The following OSMR variants were observed in gnomAD, a reference collection of about 807,000 sequenced individuals.
The protein encoded by OSMR is oncostatin M receptor, also known as oncostatin-M-specific receptor subunit beta.
OSMR carries 81 observed loss-of-function variants against 99.9 expected under a neutral mutation model. The observed-to-expected ratio is 0.81, with a 90% CI of 0.68 to 0.97. The LOEUF is 0.97. Ranked by LOEUF, OSMR falls within the 50% of genes least tolerant of loss-of-function variation. The pLI is 0.00. For synonymous variants in OSMR, 406 were observed against 410.4 expected (o/e 0.99, Z 0.13); for missense variants, 1,099 against 1,153.4 (o/e 0.95, Z 0.68).
chr5:38,918,036 T>C (rs1746016338), intron 10 of OSMR, among the ~76,000 whole-genome samples: 1 of 152,180 alleles, frequency 6.6e-6, no homozygotes, highest in Non-Finnish European at 1.5e-5. Flanking sequence ...TACACCTTCA[T>C]GACAACCTGG....
chr5:38,918,800 T>C, intron 10 of OSMR, 40 bp from the exon 11 acceptor site: 1 of 1,610,264 alleles, frequency 6.2e-7, no homozygotes, highest in Non-Finnish European at 8.5e-7. Flanking sequence ...TTCCTTTCAA[T>C]TAAAACCCAT....
At chr5:38,872,284 A>T (rs1239351880) in intron 2 of OSMR, among the ~76,000 whole-genome samples, 1 of 152,250 alleles carries the variant, frequency 6.6e-6, no homozygotes, top group Non-Finnish European at 1.5e-5. Flanking sequence ...CTGATAGCGT[A>T]TGTTAATATA....
In OSMR at chr5:38,921,750, G is replaced by A; in HGVS notation, c.1721G>A (p.Trp574Ter). 2 of 1,614,080 alleles carry A rather than the reference G, an allele frequency of 1.2e-6. No homozygotes were observed. Among genetic ancestry groups the A allele is most frequent in the Non-Finnish European group, 1.7e-6 (2 of 1,180,014 alleles). Residue 574 changes from tryptophan (W) to a stop codon, truncating the protein, a stop_gained, in exon 12 of 18, where the codon TGG becomes TAG. Coordinates refer to ENST00000274276, the MANE Select transcript of OSMR (RefSeq NM_003999.3). LOFTEE classifies it high-confidence loss of function. ...CAGGATGTGCTCGGTGATTTCCAGT[G>A]GAAGAATGTAGGTCCCAATACCACA... is the stretch of plus-strand genomic sequence containing the variant. ...HTQDVLGDFQWKNVGPNTTST... is the reference protein window; with the variant it reads ...HTQDVLGDFQ
intron 9 of OSMR, among the ~76,000 whole-genome samples, chr5:38,906,826 A>C (rs1745268177): frequency 6.6e-6 from 1 of 152,232 alleles, no homozygotes; most frequent in Non-Finnish European, 1.5e-5. Flanking sequence ...CTTTCAAAGA[A>C]ATGTTCTGAA....
Position 38,924,577 on chromosome 5 carries a change from G to C in OSMR, c.2026G>C (p.Glu676Gln), listed in dbSNP as rs1395239280. Residue 676 changes from glutamate (E) to glutamine (Q), a missense_variant, in exon 14 of 18, where the codon GAA becomes CAA. By Grantham distance (29) the Glu-to-Gln change is conservative (BLOSUM62 2). Transcript: ENST00000274276. ...GGCGAGGCAGTGCCACCCACGATTT[G>C]AAAAGGCAGTTCTTTCAGGTGACAT... ...SKARQCHPRF[E>Q]KAVLSDGSEC... The C allele has an allele frequency of 6.2e-7, 1 of 1,612,922 alleles. No homozygotes were observed. The highest frequency in any genetic ancestry group is 1.1e-5 in the South Asian group (1 of 91,050).
intron 1 of OSMR, among the ~76,000 whole-genome samples, chr5:38,853,571 T>G (rs1221926341): frequency 6.6e-6 from 1 of 152,218 alleles, no homozygotes. Context: ...TGGGGAATGA[T>G]TTCTGTGATC....
intron 15 of OSMR, among the ~76,000 whole-genome samples, chr5:38,930,157 G>T (rs1006755151): frequency 2.6e-5 from 4 of 152,188 alleles, no homozygotes; most frequent in Non-Finnish European, 2.9e-5. Flanking sequence ...GTTGGCAAAA[G>T]AAAATTCTAA....
rs758433175 is a variant in OSMR, at chr5:38,883,973, GAAC to G, written c.569_571del (p.Gln190del). 3.5e-5 allele frequency: 57 copies of G among 1,613,670 alleles called. No individual in the cohort carries two copies. The Admixed American group carries it at 9.5e-4, about 27-fold the overall frequency. Reference sequence around the variant, plus strand: ...TTTGGAAGGGAAACAGATTCATGGAGAACAACTTGATCCACATGTAACTGCATT... The same window carrying G: ...TTTGGAAGGGAAACAGATTCATGGAGAACTTGATCCACATGTAACTGCATT... On this transcript the variant is annotated inframe_deletion, in exon 5 of 18. Coordinates refer to ENST00000274276, the MANE Select transcript of OSMR (RefSeq NM_003999.3).
In OSMR at chr5:38,866,072, C is replaced by T. The variant is rs190841255; in HGVS notation, c.-13-2960C>T. Among the ~76,000 whole-genome samples the T allele has an allele frequency of 1.2e-3, 181 of 152,274 alleles. 1 individual carries two copies. The highest frequency in any genetic ancestry group is 4.6e-4 in the Non-Finnish European group (31 of 68,002). On this transcript the variant is annotated intron_variant, in intron 1 of 17. Transcript: ENST00000274276. ...GATGATGTATGTGGGCACCAGCAGG[C>T]TGGGGGAGGCCTGTCCTCAGGACTC... is the stretch of plus-strand genomic sequence containing the variant.
Position 38,889,747 on chromosome 5 carries a change from A to G in OSMR, c.991+3557A>G, listed in dbSNP as rs377320586. On this transcript the variant is annotated intron_variant, in intron 7 of 17. Coordinates refer to ENST00000274276, the MANE Select transcript of OSMR (RefSeq NM_003999.3). ...GTTTAACTACTTTGATTTCTTTTTGAAAAGAAACCAATTTTGCTTTGAAAA... is the reference window on the plus strand; with the variant it reads ...GTTTAACTACTTTGATTTCTTTTTGGAAAGAAACCAATTTTGCTTTGAAAA... Among the ~76,000 whole-genome samples, 17 of 152,156 alleles carry G rather than the reference A, an allele frequency of 1.1e-4. No individual in the cohort carries two copies. The East Asian group carries it at 2.9e-3, about 26-fold the overall frequency.
At chr5:38,900,627 G>C (rs919238303) in intron 7 of OSMR, among the ~76,000 whole-genome samples, 7 of 152,158 alleles carry the variant, frequency 4.6e-5, no homozygotes, top group African/African-American at 1.4e-4. Context: ...CAAAGACAAA[G>C]GTTTTTAAAG....
At chr5:38,876,086 A>G (rs773669063) in intron 2 of OSMR, 115 bp from the exon 3 acceptor site, 1 of 1,473,066 alleles carries the variant, frequency 6.8e-7, no homozygotes, top group Non-Finnish European at 9.1e-7. Flanking sequence ...TAGGATGCAC[A>G]TATGAGCAAT....
rs555599912 is a variant in OSMR, at chr5:38,941,723, CTCT to C, written c.75-2471_75-2469del. The C allele has an allele frequency of 3.3e-3, 773 of 232,252 alleles. 9 individuals carry two copies. Among genetic ancestry groups the C allele is most frequent in the African/African-American group, 0.013 (611 of 45,374 alleles). The allele number at this position is 232,252 out of a possible 1,614,324, so 14.4% of individuals were successfully genotyped here. On this transcript the variant is annotated intron_variant and NMD_transcript_variant, in intron 1 of 2. Transcript: ENST00000508882. ...ACTTATAAGTCCCGGGTTGTTGAGG[CTCT>C]TCTTCTGCTTTGAGGTTATAAACCT...
chr5:38,860,922 C>T (rs1020686739), intron 1 of OSMR, among the ~76,000 whole-genome samples: 2 of 152,292 alleles, frequency 1.3e-5, no homozygotes, highest in East Asian at 1.9e-4. Flanking sequence ...ATCTGCCCAC[C>T]TCAGCCTCCC....
chr5:38,896,686 G>A (rs1238429460), intron 7 of OSMR, among the ~76,000 whole-genome samples: 3 of 151,962 alleles, frequency 2.0e-5, no homozygotes, highest in African/African-American at 4.8e-5. Context: ...GTACTATGTC[G>A]AATAACAGTG....
At chr5:38,938,825 CA>C (rs1481413749), downstream of OSMR, 1 of 232,912 alleles carries the variant, frequency 4.3e-6, no homozygotes, top group Non-Finnish European at 8.5e-6. Context: ...AATGCAGAGA[CA>C]ATGGAGACTT....
At chr5:38,930,784 G>A (rs143401357) in intron 15 of OSMR, among the ~76,000 whole-genome samples, 1,789 of 152,178 alleles carry the variant, frequency 0.012, 33 homozygotes, top group African/African-American at 0.041. Context: ...GGTAAAGGAA[G>A]ACAAAGGTTT....
intron 9 of OSMR, among the ~76,000 whole-genome samples, chr5:38,905,471 G>A (rs957935033): frequency 6.3e-5 from 9 of 142,764 alleles, no homozygotes; most frequent in Non-Finnish European, 1.4e-4. Flanking sequence ...CTGGGCAACA[G>A]AGTGAGACTC....
At chr5:38,865,293 G>A (rs1383081397) in intron 1 of OSMR, among the ~76,000 whole-genome samples, 13 of 152,106 alleles carry the variant, frequency 8.5e-5, no homozygotes, top group East Asian at 1.9e-4. Flanking sequence ...GAGGTATCAC[G>A]TTTCCTTGCT....
Sources: allele counts gnomAD v4.1 joint callset (sites outside exome capture counted in the v4.1 genomes callset), GRCh38; gene constraint gnomAD v4.1.1; transcripts MANE v1.5; gene names NCBI Gene and HGNC (gene_info 2026-07-23, HGNC 2026-07-21).